The following SMARCA2 variants were observed in gnomAD, a reference collection of about 807,000 sequenced individuals.
SMARCA2 encodes SWI/SNF-related matrix-associated actin-dependent regulator of chromatin subfamily A member 2.
In SMARCA2, 61 loss-of-function variants were observed where a neutral mutation model predicts 199.8. That is an observed-to-expected ratio of 0.31 (90% CI 0.25 to 0.38). The LOEUF (loss-of-function observed/expected upper bound fraction) is 0.38. SMARCA2 is among the 10% of genes least tolerant of loss of function. The pLI is 1.00. For missense variants in SMARCA2, 1,344 were observed against 2,012.2 expected, an observed-to-expected ratio of 0.67 and a Z score of 6.35; for synonymous variants, 935 against 732.0, an observed-to-expected ratio of 1.28 and a Z score of -4.48.
At chr9:2,137,887 A>G (rs1286435717) in intron 27 of SMARCA2, among the ~76,000 whole-genome samples, 2 of 152,220 alleles carry the variant, frequency 1.3e-5, no homozygotes, top group African/African-American at 4.8e-5. Flanking sequence ...AACTAAGATG[A>G]GTCAAGGTAG....
chr9:2,064,300 T>C (rs1820732074), intron 9 of SMARCA2, among the ~76,000 whole-genome samples: 1 of 152,212 alleles, frequency 6.6e-6, no homozygotes, highest in Non-Finnish European at 1.5e-5. Context: ...GGCTAGTTCG[T>C]TAAAAGATCT....
intron 4 of SMARCA2, 124 bp downstream of exon 4, chr9:2,040,024 C>T: frequency 6.7e-7 from 1 of 1,492,782 alleles, no homozygotes; most frequent in South Asian, 1.3e-5. Flanking sequence ...ACCTCACTGG[C>T]TCTCTATCCT....
intron 14 of SMARCA2, among the ~76,000 whole-genome samples, chr9:2,080,427 T>C (rs1323259729): frequency 6.6e-6 from 1 of 152,162 alleles, no homozygotes. Flanking sequence ...TTCAGCCCCT[T>C]TACCAATTTT....
At chr9:2,183,214 TTC>T (rs895108033) in intron 31 of SMARCA2, among the ~76,000 whole-genome samples, 3 of 152,354 alleles carry the variant, frequency 2.0e-5, no homozygotes, top group African/African-American at 7.2e-5. Context: ...ACCTTTATTT[TTC>T]TGATTGTACT....
At chr9:2,168,314 G>T (rs1017260680) in intron 28 of SMARCA2, among the ~76,000 whole-genome samples, 1 of 152,116 alleles carries the variant, frequency 6.6e-6, no homozygotes, top group Admixed American at 6.5e-5. Context: ...CCCGGCAAAT[G>T]ATCTGATATT....
intron 27 of SMARCA2, among the ~76,000 whole-genome samples, chr9:2,132,321 T>G (rs1269894993): frequency 1.3e-5 from 2 of 152,248 alleles, no homozygotes; most frequent in Non-Finnish European, 2.9e-5. Context: ...CTGGGCTGCA[T>G]TAAGTATGAT....
At position 2,182,169 on chromosome 9, in the gene SMARCA2, G is replaced by A. The variant is rs767644249; in HGVS notation, c.4388G>A (p.Ser1463Asn). ...KERIRNHKYR[S>N]LGDLEKDVML... ...AGGATTCGTAATCATAAGTACCGGAGCCTAGGCGACCTGGAGAAGGATGTC... is the reference window on the plus strand; with the variant it reads ...AGGATTCGTAATCATAAGTACCGGAACCTAGGCGACCTGGAGAAGGATGTC... Residue 1463 changes from serine (S) to asparagine (N), a missense_variant, in exon 31 of 34, where the codon AGC becomes AAC. By Grantham distance (46) the Ser-to-Asn change is conservative. Around this residue, in one of 18 missense-constraint regions of SMARCA2, gnomAD observed 151 missense variants for 154.0 expected, o/e 0.98. Transcript: ENST00000349721. The A allele has an allele frequency of 6.2e-7, 1 of 1,613,060 alleles. No individual in the cohort carries two copies. The highest frequency in any genetic ancestry group is 2.2e-5 in the East Asian group (1 of 44,886).
intron 5 of SMARCA2, 59 bp downstream of exon 5, chr9:2,047,543 C>CGATG: frequency 8.0e-7 from 1 of 1,244,372 alleles, no homozygotes; most frequent in Non-Finnish European, 1.0e-6. Flanking sequence ...CCGCCCAAGC[C>CGATG]GAGGGGGGTG....
intron 29 of SMARCA2, among the ~76,000 whole-genome samples, chr9:2,172,393 G>A (rs953032355): frequency 6.6e-6 from 1 of 151,792 alleles, no homozygotes; most frequent in Non-Finnish European, 1.5e-5. Flanking sequence ...CTGGCTGTGA[G>A]CAGAGTGGGA....
intron 28 of SMARCA2, among the ~76,000 whole-genome samples, chr9:2,166,184 C>T (rs1384392687): frequency 1.3e-5 from 2 of 152,180 alleles, no homozygotes; most frequent in African/African-American, 4.8e-5. Context: ...GAACACTTCA[C>T]TTTGCTCTCT....
chr9:2,149,362 TA>T (rs1203332432), intron 27 of SMARCA2, among the ~76,000 whole-genome samples: 3 of 150,144 alleles, frequency 2.0e-5, no homozygotes, highest in Non-Finnish European at 4.5e-5. Flanking sequence ...TACAAAAATA[TA>T]AAAAAAATTA....
chr9:2,151,547 C>T (rs1331571420), intron 27 of SMARCA2, among the ~76,000 whole-genome samples: 2 of 151,892 alleles, frequency 1.3e-5, no homozygotes, highest in Non-Finnish European at 2.9e-5. Flanking sequence ...GCCTGGTCAA[C>T]ACAGTGAAAC....
At chr9:2,133,110 A>G (rs370718989) in intron 27 of SMARCA2, among the ~76,000 whole-genome samples, 2 of 152,234 alleles carry the variant, frequency 1.3e-5, no homozygotes, top group African/African-American at 4.8e-5. Flanking sequence ...TCACTCATCG[A>G]AAGTAACCAT....
intron 14 of SMARCA2, chr9:2,079,838 C>G (rs1821488038): frequency 6.6e-6 from 1 of 152,218 alleles, no homozygotes; most frequent in Non-Finnish European, 1.5e-5. Flanking sequence ...CTTGTAATGC[C>G]ACATGGGTTT....
chr9:2,078,376 G>A (rs1379629910), intron 14 of SMARCA2, among the ~76,000 whole-genome samples: 4 of 152,102 alleles, frequency 2.6e-5, no homozygotes, highest in Non-Finnish European at 4.4e-5. Context: ...GGAGGCTGAA[G>A]CAGGAGAATC....
At chr9:2,112,133 C>T (rs1823033123) in intron 24 of SMARCA2, among the ~76,000 whole-genome samples, 1 of 152,122 alleles carries the variant, frequency 6.6e-6, no homozygotes, top group African/African-American at 2.4e-5. Flanking sequence ...GTTCCACAAA[C>T]ATTTATTGAG....
intron 4 of SMARCA2, chr9:2,042,972 C>G (rs1018924877): frequency 3.9e-5 from 6 of 152,040 alleles, no homozygotes; most frequent in African/African-American, 1.4e-4. Flanking sequence ...AAACAGATAA[C>G]TTTACTTGCC....
At chr9:2,055,899 C>G (rs1260520433) in intron 6 of SMARCA2, among the ~76,000 whole-genome samples, 2 of 152,130 alleles carry the variant, frequency 1.3e-5, no homozygotes, top group Non-Finnish European at 2.9e-5. Flanking sequence ...ATGACGGACT[C>G]TTATTGATTT....
chr9:2,173,820 C>T (rs1826390035), intron 29 of SMARCA2, among the ~76,000 whole-genome samples: 1 of 152,186 alleles, frequency 6.6e-6, no homozygotes, highest in East Asian at 1.9e-4. Context: ...ACCCCCTTTT[C>T]ACGGGACACT....
Sources: allele counts gnomAD v4.1 joint callset (sites outside exome capture counted in the v4.1 genomes callset), GRCh38; gene constraint gnomAD v4.1.1; regional missense constraint gnomAD v4.1.1; transcripts MANE v1.5; gene names NCBI Gene and HGNC (gene_info 2026-07-23, HGNC 2026-07-21).